The following ACAD9 variants were observed in gnomAD, a reference collection of about 807,000 sequenced individuals.
The protein encoded by ACAD9 is complex I assembly factor ACAD9, mitochondrial.
ACAD9 carries 53 observed loss-of-function variants against 70.2 expected under a neutral mutation model. That is an observed-to-expected ratio of 0.75 (90% CI 0.61 to 0.95). The LOEUF is 0.95. Ranked by LOEUF, ACAD9 falls within the 40% of genes least tolerant of loss-of-function variation. The probability of loss-of-function intolerance (pLI) is 0.00; values close to 1 mark genes in which losing one functional copy is unlikely to be tolerated. For synonymous variants in ACAD9, 313 were observed against 312.1 expected (o/e 1.00, Z -0.03); for missense variants, 777 against 802.8 (o/e 0.97, Z 0.39).
At chr3:128,894,872 ATTTTTTT>A (rs138817276) in intron 3 of ACAD9, among the ~76,000 whole-genome samples, 2 of 105,410 alleles carry the variant, frequency 1.9e-5, no homozygotes, top group African/African-American at 3.9e-5. Context: ...CTGTATTGTG[ATTTTTTT>A]TTTTTTTTTT....
intron 7 of ACAD9, among the ~76,000 whole-genome samples, 161 bp downstream of exon 7, chr3:128,899,622 C>T (rs1935680907): frequency 6.6e-6 from 1 of 151,900 alleles, no homozygotes; most frequent in Admixed American, 6.6e-5. Flanking sequence ...GATTTAAACA[C>T]TTTCAGTTTT....
chr3:128,890,629 G>C (rs1935392647), intron 2 of ACAD9, among the ~76,000 whole-genome samples: 1 of 151,910 alleles, frequency 6.6e-6, no homozygotes, highest in African/African-American at 2.4e-5. Context: ...GTGAACCCGG[G>C]AGGCGGAGCT....
chr3:128,910,043 T>C lies in ACAD9; in HGVS notation c.1586T>C (p.Val529Ala). ...CAGACCATCATGGAGGAGCAGCTGG[T>C]ACTGAAGCGGGTGGCCAACATCCTC... ...FGKTIMEEQL[V>A]LKRVANILIN... The change falls in exon 16 of 18, where the codon GTA (valine) becomes GCA (alanine). Residue 529 changes from valine (V) to alanine (A), a missense_variant. By Grantham distance (64) the Val-to-Ala change is moderately conservative. Transcript: ENST00000308982. 6.2e-7 allele frequency: 1 copy of C among 1,613,818 alleles called. No homozygotes were observed. The highest frequency in any genetic ancestry group is 8.5e-7 in the Non-Finnish European group (1 of 1,179,964).
At chr3:128,893,816 G>A (rs1680780) in intron 3 of ACAD9, among the ~76,000 whole-genome samples, 160 bp downstream of exon 3, 25 of 151,970 alleles carry the variant, frequency 1.6e-4, no homozygotes, top group Non-Finnish European at 3.5e-4. Flanking sequence ...AAGTGTTCTC[G>A]GGTCCTGTGC....
rs556296145 is a variant in ACAD9, at chr3:128,902,078, A to G, written c.883-475A>G. On this transcript the variant is annotated intron_variant, in intron 8 of 17. Transcript: ENST00000308982. The surrounding 1 kb of genome is among the most constrained non-coding windows in gnomAD (Gnocchi z 4.0). The stretch of plus-strand genomic sequence containing the variant: ...GGCTGAATTCTCTTCTGTTGAGTGG[A>G]GATACCACATTTTGTTCATCCATTC... 5.3e-5 allele frequency among the ~76,000 whole-genome samples: 8 copies of G among 152,318 alleles called. 1 individual carries two copies. In the South Asian group the frequency reaches 1.7e-3, roughly 32 times the overall value.
intron 7 of ACAD9, among the ~76,000 whole-genome samples, chr3:128,900,424 G>C (rs1935703583): frequency 6.6e-6 from 1 of 152,036 alleles, no homozygotes; most frequent in Non-Finnish European, 1.5e-5. Flanking sequence ...TTTTTTAGTG[G>C]AGATGGGGTT....
intron 9 of ACAD9, among the ~76,000 whole-genome samples, chr3:128,903,175 C>A (rs1382398527): frequency 6.6e-6 from 1 of 152,186 alleles, no homozygotes; most frequent in Admixed American, 6.5e-5. Flanking sequence ...CTGTAACCAT[C>A]CTGGTTGTGG....
intron 5 of ACAD9, 21 bp from the exon 6 acceptor site, chr3:128,897,611 C>T: frequency 6.2e-7 from 1 of 1,609,406 alleles, no homozygotes; most frequent in Non-Finnish European, 8.5e-7. Context: ...CTCCCTTGAC[C>T]ACATCTTTCT....
Position 128,912,665 on chromosome 3 carries a change from GACTGTT to G in ACAD9, c.*62_*67del. The G allele has an allele frequency of 7.1e-7, 1 of 1,400,534 alleles. No homozygotes were observed. The highest frequency in any genetic ancestry group is 1.0e-6 in the Non-Finnish European group (1 of 985,564). The allele number at this position is 1,400,534 out of a possible 1,614,324, so 86.8% of individuals were successfully genotyped here. ...CCCTACCCATGGCCCGTTGCTGGAT[GACTGTT>G]ACTCTTTTTTCAGAAGGTGTTGGGA... is the stretch of plus-strand genomic sequence containing the variant. On this transcript the variant is annotated 3_prime_UTR_variant, in exon 18 of 18. Coordinates refer to ENST00000308982, the MANE Select transcript of ACAD9 (RefSeq NM_014049.5).
At chr3:128,909,906 CCA>C (rs1462112426) in intron 15 of ACAD9, 113 bp from the exon 16 acceptor site, 27 of 1,450,200 alleles carry the variant, frequency 1.9e-5, no homozygotes, top group Non-Finnish European at 2.6e-5. Flanking sequence ...GTTATTGACT[CCA>C]CTTTCTCAAG....
rs1002555779 is a variant in ACAD9 at position 128,902,499 on chromosome 3, C to T, written c.883-54C>T. The T allele has an allele frequency of 6.3e-7, 1 of 1,596,682 alleles. No individual in the cohort carries two copies. Among genetic ancestry groups the T allele is most frequent in the Non-Finnish European group, 8.6e-7 (1 of 1,164,272 alleles). On this transcript the variant is annotated intron_variant, in intron 8 of 17. Coordinates refer to ENST00000308982, the MANE Select transcript of ACAD9 (RefSeq NM_014049.5). This position sits in a 1 kb window ranked among gnomAD's most constrained non-coding sequence, Gnocchi z 4.0. ...TCCACCTGGCCTGGTTTCGTTGCGGCCTCCTCCCTCTGCCTCCTTCAGGGC... is the reference window on the plus strand; with the variant it reads ...TCCACCTGGCCTGGTTTCGTTGCGGTCTCCTCCCTCTGCCTCCTTCAGGGC...
At position 128,908,274 on chromosome 3, in the gene ACAD9, A is replaced by G. The variant is rs201911691; in HGVS notation, c.1358+10A>G. On this transcript the variant is annotated intron_variant, in intron 13 of 17. Transcript: ENST00000308982. Reference sequence around the variant, plus strand: ...TGACTACCAGGATCCAGTAGGTGCCATTGTCACCGTGTGCTTCTCAGGTCC... The same window carrying G: ...TGACTACCAGGATCCAGTAGGTGCCGTTGTCACCGTGTGCTTCTCAGGTCC... 4.3e-6 allele frequency: 7 copies of G among 1,614,064 alleles called. No homozygotes were observed. The highest frequency in any genetic ancestry group is 5.9e-6 in the Non-Finnish European group (7 of 1,180,018).
At chr3:128,908,828 T>TGG (rs765766708) in intron 13 of ACAD9, 145 bp from the exon 14 acceptor site, 12 of 1,313,844 alleles carry the variant, frequency 9.1e-6, no homozygotes, top group Non-Finnish European at 1.3e-5. Flanking sequence ...GTGGTGGGTT[T>TGG]GGGGGGGTTC....
chr3:128,909,612 C>T, intron 15 of ACAD9, 191 bp downstream of exon 15: 1 of 661,328 alleles, frequency 1.5e-6, no homozygotes, highest in Non-Finnish European at 2.6e-6. Context: ...CGGATGGGTA[C>T]CCTTGCTGGG....
chr3:128,901,532 T>C (rs1291564571), intron 8 of ACAD9, among the ~76,000 whole-genome samples, 183 bp downstream of exon 8: 1 of 152,156 alleles, frequency 6.6e-6, no homozygotes, highest in Admixed American at 6.5e-5. Flanking sequence ...CTAGAAGAAG[T>C]GTATGGTAAG....
At chr3:128,901,397 A>G in intron 8 of ACAD9, 48 bp downstream of exon 8, 1 of 1,601,334 alleles carries the variant, frequency 6.2e-7, no homozygotes, top group Non-Finnish European at 8.6e-7. Flanking sequence ...TCATGAGTGC[A>G]GTTTGTCGCC....
intron 7 of ACAD9, 25 bp downstream of exon 7, chr3:128,899,486 C>T (rs773551503): frequency 1.4e-5 from 22 of 1,607,458 alleles, no homozygotes; most frequent in East Asian, 1.1e-4. Flanking sequence ...TGCGCGCGTG[C>T]GCGTGTGTGT....
intron 1 of ACAD9, chr3:128,880,088 G>A: frequency 7.0e-7 from 1 of 1,426,664 alleles, no homozygotes; most frequent in Non-Finnish European, 9.4e-7. Flanking sequence ...TTTTGTCAGG[G>A]GAATTCGGAA....
chr3:128,905,530 A>T (rs1253261189), intron 11 of ACAD9, among the ~76,000 whole-genome samples: 2 of 152,206 alleles, frequency 1.3e-5, no homozygotes, highest in Non-Finnish European at 2.9e-5. Context: ...AAAGGTTGGG[A>T]TCCTGAAGTG....
Sources: allele counts gnomAD v4.1 joint callset (sites outside exome capture counted in the v4.1 genomes callset), GRCh38; gene constraint gnomAD v4.1.1; non-coding constraint Gnocchi (gnomAD v3.1); transcripts MANE v1.5; gene names NCBI Gene and HGNC (gene_info 2026-07-23, HGNC 2026-07-21).